ANKRD30BL: variants seen among roughly 807,000 people sequenced by gnomAD.
ANKRD30BL encodes ankyrin repeat domain 30B like.
Under a neutral mutation model 18.4 loss-of-function variants are expected in ANKRD30BL, and 20 were observed. The observed-to-expected ratio is 1.09, with a 90% CI of 0.77 to 1.58. The LOEUF (loss-of-function observed/expected upper bound fraction) is 1.58. Ranked by LOEUF, ANKRD30BL falls within the 40% of genes most tolerant of loss-of-function variation. The pLI is 0.00. For synonymous variants in ANKRD30BL, 72 were observed against 100.9 expected, an observed-to-expected ratio of 0.71 and a Z score of 1.72; for missense variants, 224 against 268.6, an observed-to-expected ratio of 0.83 and a Z score of 1.16.
chr2:132,187,368 T>C (rs1370574112), intron 1 of ANKRD30BL, among the ~76,000 whole-genome samples: 2 of 151,876 alleles, frequency 1.3e-5, no homozygotes, highest in African/African-American at 2.4e-5. Context: ...CTAATTTTTG[T>C]AGTTTTAGTA....
chr2:132,148,752 A>T (rs1687681584), intron 5 of ANKRD30BL, among the ~76,000 whole-genome samples: 1 of 147,320 alleles, frequency 6.8e-6, no homozygotes. Flanking sequence ...TGACATAATA[A>T]GTGATAATTA....
chr2:132,210,265 G>T (rs1679309557), intron 1 of ANKRD30BL, among the ~76,000 whole-genome samples: 1 of 151,384 alleles, frequency 6.6e-6, no homozygotes, highest in Non-Finnish European at 1.5e-5. Context: ...ATGTCTCAGA[G>T]ATGAACCTTT....
At chr2:132,243,713 T>C (rs1432823640) in intron 1 of ANKRD30BL, among the ~76,000 whole-genome samples, 1 of 151,598 alleles carries the variant, frequency 6.6e-6, no homozygotes, top group Non-Finnish European at 1.5e-5. Flanking sequence ...CTTTGACGTT[T>C]TTACTGGAAA....
chr2:132,154,597 C>G, intron 4 of ANKRD30BL, 65 bp downstream of exon 4: 1 of 536,600 alleles, frequency 1.9e-6, no homozygotes, highest in Non-Finnish European at 3.4e-6. Flanking sequence ...TTTAATATTT[C>G]TGACTTGAGA....
chr2:132,228,678 CT>C (rs1255932354), intron 1 of ANKRD30BL, among the ~76,000 whole-genome samples: 3 of 149,108 alleles, frequency 2.0e-5, no homozygotes, highest in African/African-American at 7.7e-5. Flanking sequence ...CTGAACCTTT[CT>C]TTTGATTGAG....
intron 1 of ANKRD30BL, among the ~76,000 whole-genome samples, chr2:132,232,041 A>C (rs1680035367): frequency 6.6e-6 from 1 of 152,242 alleles, no homozygotes; most frequent in Non-Finnish European, 1.5e-5. Context: ...ACCCCCGAGC[A>C]GCCTAACTGG....
intron 5 of ANKRD30BL, among the ~76,000 whole-genome samples, chr2:132,149,883 G>A (rs774398649): frequency 2.0e-5 from 3 of 151,940 alleles, no homozygotes; most frequent in Non-Finnish European, 4.4e-5. Flanking sequence ...CTCTTTATAA[G>A]TTTCTTTTCT....
At chr2:132,226,739 A>T (rs563627041) in intron 1 of ANKRD30BL, among the ~76,000 whole-genome samples, 11 of 152,018 alleles carry the variant, frequency 7.2e-5, no homozygotes, top group Admixed American at 3.3e-4. Flanking sequence ...CTTCTTTGTG[A>T]TGTGTGCGTT....
intron 1 of ANKRD30BL, among the ~76,000 whole-genome samples, chr2:132,230,638 G>A (rs1369426575): frequency 6.6e-6 from 1 of 151,560 alleles, no homozygotes; most frequent in African/African-American, 2.4e-5. Flanking sequence ...TTGGAAACGG[G>A]AATAACTTCA....
chr2:132,235,746 G>C (rs145186415), intron 1 of ANKRD30BL, among the ~76,000 whole-genome samples: 7,003 of 152,136 alleles, frequency 0.046, 546 homozygotes, highest in African/African-American at 0.16. Flanking sequence ...TCAATATCAT[G>C]AAAATGGCCA....
At chr2:132,177,982 T>C (rs1318524290) in intron 1 of ANKRD30BL, among the ~76,000 whole-genome samples, 1 of 152,202 alleles carries the variant, frequency 6.6e-6, no homozygotes, top group African/African-American at 2.4e-5. Flanking sequence ...ATGGGAGCTT[T>C]TGTTTCTTTT....
chr2:132,231,228 C>T (rs1389737302), intron 1 of ANKRD30BL, among the ~76,000 whole-genome samples: 3 of 152,116 alleles, frequency 2.0e-5, no homozygotes, highest in Admixed American at 6.6e-5. Context: ...CAGAGTTGAA[C>T]TTTCTTTGAT....
chr2:132,223,175 G>C (rs1428868534), intron 1 of ANKRD30BL, among the ~76,000 whole-genome samples: 8 of 152,128 alleles, frequency 5.3e-5, no homozygotes, highest in Admixed American at 5.2e-4. Flanking sequence ...TCAACTCACA[G>C]AGTTGAACCT....
intron 1 of ANKRD30BL, among the ~76,000 whole-genome samples, chr2:132,227,756 T>G (rs933280954): frequency 6.6e-6 from 1 of 152,130 alleles, no homozygotes; most frequent in Admixed American, 6.6e-5. Flanking sequence ...CTCAGAATCT[T>G]CTTTGTGATG....
At chr2:132,157,600 GAA>G (rs1281516740) in intron 1 of ANKRD30BL, among the ~76,000 whole-genome samples, 177 bp from the exon 2 acceptor site, 2 of 152,168 alleles carry the variant, frequency 1.3e-5, no homozygotes, top group Non-Finnish European at 2.9e-5. Flanking sequence ...CTACATTAAT[GAA>G]AGAGTGCCTG....
At chr2:132,229,704 G>C (rs957224680) in intron 1 of ANKRD30BL, among the ~76,000 whole-genome samples, 1 of 151,824 alleles carries the variant, frequency 6.6e-6, no homozygotes, top group Non-Finnish European at 1.5e-5. Context: ...CCTTTCTTTT[G>C]ATAGAGCGGG....
At chr2:132,254,930 C>T (rs1199555854) in intron 1 of ANKRD30BL, among the ~76,000 whole-genome samples, 2 of 152,184 alleles carry the variant, frequency 1.3e-5, no homozygotes, top group African/African-American at 4.8e-5. Flanking sequence ...TGTCCGTGTC[C>T]AGGCTGGGTG....
intron 1 of ANKRD30BL, among the ~76,000 whole-genome samples, chr2:132,175,370 C>A (rs1205875506): frequency 1.3e-5 from 2 of 152,104 alleles, no homozygotes; most frequent in Admixed American, 1.3e-4. Context: ...TTCTCTCTGC[C>A]CAAACATCTC....
chr2:132,208,724 A>T (rs2104754507), intron 1 of ANKRD30BL, among the ~76,000 whole-genome samples: 1 of 151,644 alleles, frequency 6.6e-6, no homozygotes, highest in East Asian at 1.9e-4. Flanking sequence ...CTGGATTTTA[A>T]ATGTGTGCCC....
Sources: allele counts gnomAD v4.1 joint callset (sites outside exome capture counted in the v4.1 genomes callset), GRCh38; gene constraint gnomAD v4.1.1; transcripts MANE v1.5; gene names NCBI Gene and HGNC (gene_info 2026-07-23, HGNC 2026-07-21).